ATP11B: variants seen among roughly 807,000 people sequenced by gnomAD.
The protein encoded by ATP11B is ATPase phospholipid transporting 11B (putative), also known as phospholipid-transporting ATPase IF.
A neutral mutation model predicts 157.8 loss-of-function variants in ATP11B; 81 were observed. That is an observed-to-expected ratio of 0.51 (90% CI 0.43 to 0.62). The LOEUF (loss-of-function observed/expected upper bound fraction) is 0.62, where lower values mean the gene tolerates loss of function less well. Ranked by LOEUF, ATP11B falls within the 20% of genes least tolerant of loss-of-function variation. ATP11B has a pLI of 0.00. For synonymous variants in ATP11B, 451 were observed against 469.4 expected, an observed-to-expected ratio of 0.96 and a Z score of 0.51; for missense variants, 1,165 against 1,402.2, an observed-to-expected ratio of 0.83 and a Z score of 2.70.
chr3:182,837,070 GAC>G lies in ATP11B; in HGVS notation c.556_557del (p.His186CysfsTer81). On this transcript the variant is annotated frameshift_variant and splice_region_variant, in exon 7 of 30. Transcript: ENST00000323116. LOFTEE classifies it high-confidence loss of function. ...TCTACAGTTTAATTCATTTTTTTCAGACACATGTGGCAGTTCCAGAAACAGCA... is the reference window on the plus strand; with the variant it reads ...TCTACAGTTTAATTCATTTTTTTCAGACATGTGGCAGTTCCAGAAACAGCA... Reference protein sequence around the residue: ...ASLDGETNLKTHVAVPETALL... With the variant: ...ASLDGETNLKXHVAVPETALL... 1 of 1,608,324 alleles carries G rather than the reference GAC, an allele frequency of 6.2e-7. No individual in the cohort carries two copies. The highest frequency in any genetic ancestry group is 8.5e-7 in the Non-Finnish European group (1 of 1,177,024).
intron 8 of ATP11B, chr3:182,844,694 C>CTG: frequency 4.3e-6 from 1 of 233,650 alleles, no homozygotes; most frequent in South Asian, 1.6e-4. Context: ...AGAATTCATC[C>CTG]ATTTATATGC....
chr3:182,913,276 G>C (rs73883936), intron 28 of ATP11B, among the ~76,000 whole-genome samples: 112 of 152,308 alleles, frequency 7.4e-4, no homozygotes, highest in African/African-American at 2.5e-3. Context: ...TCAAAGATAA[G>C]TATGGAGTGG....
chr3:182,841,540 C>T (rs962585143), intron 7 of ATP11B, among the ~76,000 whole-genome samples: 18 of 152,160 alleles, frequency 1.2e-4, no homozygotes, highest in African/African-American at 3.9e-4. Context: ...AACATTTATT[C>T]ATTACCTCAT....
intron 10 of ATP11B, among the ~76,000 whole-genome samples, chr3:182,856,789 A>G (rs1181346559): frequency 6.6e-6 from 1 of 152,220 alleles, no homozygotes; most frequent in East Asian, 1.9e-4. Flanking sequence ...ATTAGGTTCA[A>G]TTATGAAAGG....
Position 182,913,924 on chromosome 3 carries a change from G to A in ATP11B, c.3382G>A (p.Ala1128Thr), listed in dbSNP as rs1000260983. The A allele has an allele frequency of 6.8e-6, 11 of 1,614,054 alleles. No homozygotes were observed. The Admixed American group carries it at 1.5e-4, about 22-fold the overall frequency. The stretch of plus-strand genomic sequence containing the variant: ...CATGTGCTGTTTCCCGGAAGGAGAA[G>A]CAGCGTGTGCATCTGTTGGAAGAAT... ...DSMCCFPEGEAACASVGRMLE... is the reference protein window; with the variant it reads ...DSMCCFPEGETACASVGRMLE... Residue 1128 changes from alanine (A) to threonine (T), a missense_variant, in exon 29 of 30, where the codon GCA becomes ACA. Around this residue, in one of 4 missense-constraint regions of ATP11B, gnomAD observed 303 missense variants for 296.3 expected, o/e 1.02. Coordinates refer to ENST00000323116, the MANE Select transcript of ATP11B (RefSeq NM_014616.3).
intron 17 of ATP11B, among the ~76,000 whole-genome samples, chr3:182,869,669 T>G (rs958822543): frequency 2.0e-5 from 3 of 152,204 alleles, no homozygotes; most frequent in Non-Finnish European, 4.4e-5. Flanking sequence ...TTATAAATGG[T>G]ACAGCCACAT....
At chr3:182,829,930 G>A in intron 4 of ATP11B, 178 bp downstream of exon 4, 1 of 985,144 alleles carries the variant, frequency 1.0e-6, no homozygotes, top group Non-Finnish European at 1.2e-6. Flanking sequence ...CAGGTACCTG[G>A]TGACTCATGG....
intron 15 of ATP11B, among the ~76,000 whole-genome samples, chr3:182,868,332 A>C (rs146474375): frequency 6.7e-6 from 1 of 148,772 alleles, no homozygotes; most frequent in African/African-American, 2.5e-5. Context: ...TTTCCAAACT[A>C]TGCTTTTCCA....
At position 182,797,846 on chromosome 3, in the gene ATP11B, G is replaced by A. The variant is rs184568179; in HGVS notation, c.27+4060G>A. Among the ~76,000 whole-genome samples the A allele has an allele frequency of 9.7e-4, 148 of 152,070 alleles. 2 individuals are homozygous for A. Among genetic ancestry groups the A allele is most frequent in the African/African-American group, 3.3e-3 (136 of 41,474 alleles). On this transcript the variant is annotated intron_variant, in intron 1 of 29. Coordinates refer to ENST00000323116, the MANE Select transcript of ATP11B (RefSeq NM_014616.3). The stretch of plus-strand genomic sequence containing the variant: ...GTTTCTTTTTACTTTTTTTAAAGTG[G>A]TTAGAAATTTTAAAGTTACCTACGT...
intron 12 of ATP11B, among the ~76,000 whole-genome samples, chr3:182,860,756 T>G (rs921373446): frequency 6.6e-6 from 1 of 152,170 alleles, no homozygotes; most frequent in African/African-American, 2.4e-5. Flanking sequence ...TTTGATTTAT[T>G]TCTGCTATAA....
chr3:182,913,475 T>G (rs939607109), intron 28 of ATP11B, among the ~76,000 whole-genome samples: 87 of 152,348 alleles, frequency 5.7e-4, no homozygotes, highest in African/African-American at 2.0e-3. Flanking sequence ...CTAGACATTT[T>G]TAATTGAAAT....
In ATP11B at chr3:182,919,434, AT is replaced by A. The variant is rs1725328888; in HGVS notation, c.*1333del. On this transcript the variant is annotated 3_prime_UTR_variant, in exon 30 of 30. Coordinates refer to ENST00000323116, the MANE Select transcript of ATP11B (RefSeq NM_014616.3). ...CTTCAAAACCTAACTTCCATCCTGA[AT>A]TTATCAAGTAGTTCAGTATTGTCAT... is the stretch of plus-strand genomic sequence containing the variant. 6.6e-6 allele frequency: 1 copy of A among 152,660 alleles called. No individual in the cohort carries two copies. Among genetic ancestry groups the A allele is most frequent in the African/African-American group, 2.4e-5 (1 of 41,464 alleles). 9.5% of individuals were successfully genotyped at this position (152,660 alleles called of 1,614,324 possible).
In ATP11B at chr3:182,798,005, T is replaced by C. The variant is rs115933822; in HGVS notation, c.27+4219T>C. Reference sequence around the variant, plus strand: ...AAAAAAAATTAGCTGGGCATTGTGGTACTGACTTGTAGTCTCAGCTGCTTG... The same window carrying C: ...AAAAAAAATTAGCTGGGCATTGTGGCACTGACTTGTAGTCTCAGCTGCTTG... On this transcript the variant is annotated intron_variant, in intron 1 of 29. Coordinates refer to ENST00000323116, the MANE Select transcript of ATP11B (RefSeq NM_014616.3). 5.5e-3 allele frequency among the ~76,000 whole-genome samples: 831 copies of C among 152,256 alleles called. 9 individuals carry two copies. The highest frequency in any genetic ancestry group is 0.019 in the African/African-American group (785 of 41,550).
At chr3:182,796,680 A>G (rs7623920) in intron 1 of ATP11B, among the ~76,000 whole-genome samples, 108,356 of 152,064 alleles carry the variant, frequency 0.71, 39,068 homozygotes, top group Non-Finnish European at 0.77. Context: ...GCTGAATACC[A>G]GGGATACAAA....
At chr3:182,825,920 C>T (rs1253403527) in intron 2 of ATP11B, among the ~76,000 whole-genome samples, 1 of 151,952 alleles carries the variant, frequency 6.6e-6, no homozygotes, top group Non-Finnish European at 1.5e-5. Context: ...ATAAAATAAC[C>T]TTCTTGCAAA....
At chr3:182,828,457 A>G (rs549308056) in intron 3 of ATP11B, among the ~76,000 whole-genome samples, 1 of 152,186 alleles carries the variant, frequency 6.6e-6, no homozygotes, top group East Asian at 1.9e-4. Context: ...TAGATTAACC[A>G]TAATCTTAGC....
chr3:182,885,555 G>T (rs915948897), intron 22 of ATP11B, among the ~76,000 whole-genome samples: 2 of 152,092 alleles, frequency 1.3e-5, no homozygotes, highest in African/African-American at 4.8e-5. Flanking sequence ...ATGGAAAGAA[G>T]TTTCGATAGT....
intron 6 of ATP11B, 124 bp downstream of exon 6, chr3:182,836,594 A>G (rs909923317): frequency 2.3e-5 from 26 of 1,125,556 alleles, no homozygotes; most frequent in African/African-American, 9.5e-5. Flanking sequence ...TAAAATTACT[A>G]TTTCAAAAAT....
In ATP11B at chr3:182,872,391, A is replaced by C. The variant is rs1043741219; in HGVS notation, c.1902A>C (p.Lys634Asn). The C allele has an allele frequency of 2.5e-6, 4 of 1,613,042 alleles. No individual in the cohort carries two copies. The Admixed American group carries it at 5.0e-5, about 20-fold the overall frequency. The change falls in exon 18 of 30, where the codon AAA becomes AAC. Residue 634 changes from lysine (K) to asparagine (N), a missense_variant. Coordinates refer to ENST00000323116, the MANE Select transcript of ATP11B (RefSeq NM_014616.3). ...GAACTCTGTGTATAGCATATAGAAA[A>C]TTTACATCAAAAGAGTATGAGGAAA... Reference protein sequence around the residue: ...GLRTLCIAYRKFTSKEYEEID... With the variant: ...GLRTLCIAYRNFTSKEYEEID...
Sources: allele counts gnomAD v4.1 joint callset (sites outside exome capture counted in the v4.1 genomes callset), GRCh38; gene constraint gnomAD v4.1.1; regional missense constraint gnomAD v4.1.1; transcripts MANE v1.5; gene names NCBI Gene and HGNC (gene_info 2026-07-23, HGNC 2026-07-21).